ADAM12: variants seen among roughly 807,000 people sequenced by gnomAD.
ADAM12 encodes ADAM metallopeptidase domain 12.
In ADAM12, 70 loss-of-function variants were observed where a neutral mutation model predicts 106.4. That is an observed-to-expected ratio of 0.66 (90% confidence interval 0.54 to 0.80). ADAM12 has a LOEUF of 0.80. ADAM12 is among the 30% of genes least tolerant of loss of function. The pLI, the probability that ADAM12 is intolerant of heterozygous loss-of-function variation, is 0.00. For synonymous variants in ADAM12, 420 were observed against 433.5 expected, an observed-to-expected ratio of 0.97 and a Z score of 0.39; for missense variants, 1,010 against 1,171.9, an observed-to-expected ratio of 0.86 and a Z score of 2.02.
chr10:126,123,334 C>T (rs1239188999), intron 5 of ADAM12, among the ~76,000 whole-genome samples: 1 of 152,224 alleles, frequency 6.6e-6, no homozygotes, highest in African/African-American at 2.4e-5. Context: ...AGTTGGAAGA[C>T]TCTCAGAGCA....
intron 10 of ADAM12, 29 bp downstream of exon 10, chr10:126,098,387 G>A: frequency 6.3e-7 from 1 of 1,583,924 alleles, no homozygotes; most frequent in Non-Finnish European, 8.7e-7. Flanking sequence ...ATTATCAAGG[G>A]GAACCAGCTC....
At chr10:126,206,043 G>T (rs774512659) in intron 3 of ADAM12, among the ~76,000 whole-genome samples, 11 of 152,050 alleles carry the variant, frequency 7.2e-5, no homozygotes, top group Non-Finnish European at 8.8e-5. Flanking sequence ...TATGTGTCTG[G>T]AAAAATGTCC....
At chr10:126,348,847 GGATA>G (rs1196566453) in intron 1 of ADAM12, among the ~76,000 whole-genome samples, 1 of 152,098 alleles carries the variant, frequency 6.6e-6, no homozygotes, top group Non-Finnish European at 1.5e-5. Context: ...TAATTCTTTA[GGATA>G]AATATGTCCC....
Position 126,241,224 on chromosome 10 carries a change from A to T in ADAM12, c.260+37691T>A, listed in dbSNP as rs551469798. Among the ~76,000 whole-genome samples, 3 of 152,342 alleles carry T rather than the reference A, an allele frequency of 2.0e-5. No homozygotes were observed. The South Asian group carries it at 6.2e-4, about 32-fold the overall frequency. On this transcript the variant is annotated intron_variant, in intron 3 of 22. Transcript: ENST00000448723. The stretch of plus-strand genomic sequence containing the variant: ...TGCCAGAAGCTTCAGAGAGATGGGC[A>T]AACGGAGAATAGGAAGTGACTTTAA...
intron 3 of ADAM12, among the ~76,000 whole-genome samples, chr10:126,269,430 T>C (rs113689628): frequency 0.033 from 5,026 of 152,256 alleles, 284 homozygotes; most frequent in African/African-American, 0.11. Flanking sequence ...GTTAGTTTTA[T>C]TGTCATAAGC....
At chr10:126,326,204 A>T (rs1238825294) in intron 2 of ADAM12, among the ~76,000 whole-genome samples, 1 of 147,256 alleles carries the variant, frequency 6.8e-6, no homozygotes, top group South Asian at 2.2e-4. Flanking sequence ...ACCGGGGAGT[A>T]TTTTTTTTTT....
In ADAM12 at chr10:126,038,744, G is replaced by A. The variant is rs1213868011; in HGVS notation, c.2241-395C>T. On this transcript the variant is annotated intron_variant, in intron 19 of 22. Coordinates refer to ENST00000448723, the MANE Select transcript of ADAM12 (RefSeq NM_001288973.2). The stretch of plus-strand genomic sequence containing the variant: ...AAGGGTGGGAGAAAACACATCAGTG[G>A]AATTTCCTGACACCCTGCTAGCTTA... 3.9e-5 allele frequency among the ~76,000 whole-genome samples: 6 copies of A among 152,234 alleles called. No homozygotes were observed. The East Asian group carries it at 1.2e-3, about 29-fold the overall frequency.
At chr10:126,229,776 A>G (rs956607246) in intron 3 of ADAM12, among the ~76,000 whole-genome samples, 13 of 151,888 alleles carry the variant, frequency 8.6e-5, no homozygotes, top group Admixed American at 2.6e-4. Context: ...TGCTCTGTTC[A>G]TGCCTGCTGT....
At position 126,071,567 on chromosome 10, in the gene ADAM12, G is replaced by A; in HGVS notation, c.1233C>T (p.Asn411=). The A allele has an allele frequency of 6.2e-7, 1 of 1,614,136 alleles. No individual in the cohort carries two copies. The highest frequency in any genetic ancestry group is 8.5e-7 in the Non-Finnish European group (1 of 1,180,024). The change falls in exon 12 of 23, where the codon AAC becomes AAT. Residue 411 remains asparagine (N), a synonymous_variant. Coordinates refer to ENST00000448723, the MANE Select transcript of ADAM12 (RefSeq NM_001288973.2). ...CGAAAGACTCCCTGACTTCCGGCAG[G>A]TTAAACAGGCACACCCCCATTCCTT... ...LEKGMGVCLF[N]LPEVRESFGG...
chr10:126,019,506 G>T (rs1400797107), intron 22 of ADAM12, among the ~76,000 whole-genome samples, 189 bp downstream of exon 22: 2 of 152,220 alleles, frequency 1.3e-5, no homozygotes, highest in African/African-American at 4.8e-5. Context: ...GCCAATGCCT[G>T]TGATTATAAG....
intron 3 of ADAM12, among the ~76,000 whole-genome samples, chr10:126,181,380 G>T (rs1009682685): frequency 6.6e-6 from 1 of 152,026 alleles, no homozygotes; most frequent in African/African-American, 2.4e-5. Context: ...CCTACACAGG[G>T]ATTTTGATCA....
At chr10:126,297,409 C>T (rs1206282703) in intron 2 of ADAM12, among the ~76,000 whole-genome samples, 1 of 152,096 alleles carries the variant, frequency 6.6e-6, no homozygotes, top group Non-Finnish European at 1.5e-5. Flanking sequence ...ATTAGCCAGG[C>T]TTGGTGGCAT....
At chr10:126,248,082 C>T (rs1055862767) in intron 3 of ADAM12, among the ~76,000 whole-genome samples, 7 of 152,194 alleles carry the variant, frequency 4.6e-5, no homozygotes, top group Middle Eastern at 3.2e-3. Context: ...CAGCTCATTG[C>T]TGAAATTACT....
chr10:126,190,990 C>CTTTTTTT (rs10669948), intron 3 of ADAM12, among the ~76,000 whole-genome samples: 1 of 67,938 alleles, frequency 1.5e-5, no homozygotes, highest in African/African-American at 8.9e-5. Flanking sequence ...GAGTTTTGTC[C>CTTTTTTT]TTTTTTTTTT....
chr10:126,028,536 C>T (rs892166913), intron 21 of ADAM12, among the ~76,000 whole-genome samples: 2 of 152,066 alleles, frequency 1.3e-5, no homozygotes, highest in African/African-American at 2.4e-5. Context: ...TTCAACAAAC[C>T]TGAGAAAAAG....
chr10:126,187,333 A>AAAAC (rs1554983519), intron 3 of ADAM12, among the ~76,000 whole-genome samples: 3 of 151,612 alleles, frequency 2.0e-5, no homozygotes, highest in African/African-American at 7.3e-5. Flanking sequence ...AAATAAAAAA[A>AAAAC]AAACAAATTT....
chr10:126,080,970 C>T (rs1955201003), intron 11 of ADAM12, among the ~76,000 whole-genome samples: 1 of 152,302 alleles, frequency 6.6e-6, no homozygotes, highest in African/African-American at 2.4e-5. Context: ...GCCAATTTAT[C>T]AACCTCGACA....
chr10:126,307,700 C>G (rs1960911045), intron 2 of ADAM12, among the ~76,000 whole-genome samples: 1 of 152,014 alleles, frequency 6.6e-6, no homozygotes, highest in Non-Finnish European at 1.5e-5. Context: ...GCCACCATGC[C>G]CAGCTAATTT....
intron 3 of ADAM12, among the ~76,000 whole-genome samples, chr10:126,170,510 T>C (rs1957101383): frequency 6.6e-6 from 1 of 151,884 alleles, no homozygotes; most frequent in African/African-American, 2.4e-5. Context: ...CACACCCTCT[T>C]TTCTGCGAAG....
Sources: gnomAD v4.1 joint callset for allele counts (sites outside exome capture counted in the v4.1 genomes callset) on GRCh38, gnomAD v4.1.1 for gene constraint, MANE v1.5 for transcripts, NCBI Gene and HGNC (gene_info 2026-07-23, HGNC 2026-07-21) for gene names.